TCERG1L: variants seen among roughly 807,000 people sequenced by gnomAD.
The protein encoded by TCERG1L is transcription elongation regulator 1-like protein.
In TCERG1L, 37 loss-of-function variants were observed where a neutral mutation model predicts 56.3. The observed-to-expected ratio is 0.66, with a 90% CI of 0.51 to 0.87. The LOEUF (loss-of-function observed/expected upper bound fraction) is 0.87. Ranked by LOEUF, TCERG1L falls within the 40% of genes least tolerant of loss-of-function variation. The probability of loss-of-function intolerance (pLI) is 0.00; values close to 1 mark genes in which losing one functional copy is unlikely to be tolerated. For missense variants in TCERG1L, 799 were observed against 774.2 expected (o/e 1.03, Z -0.38); for synonymous variants, 324 against 326.3 (o/e 0.99, Z 0.08).
chr10:131,100,736 C>G (rs1845297007), intron 10 of TCERG1L, among the ~76,000 whole-genome samples: 1 of 152,216 alleles, frequency 6.6e-6, no homozygotes, highest in African/African-American at 2.4e-5. Flanking sequence ...TTAGCTTTCC[C>G]CATGAAAACG....
chr10:131,183,757 G>C (rs1438712159), intron 4 of TCERG1L, among the ~76,000 whole-genome samples: 1 of 152,194 alleles, frequency 6.6e-6, no homozygotes, highest in Non-Finnish European at 1.5e-5. Flanking sequence ...ATGGTGGGGA[G>C]GGGGGACCCC....
chr10:131,224,331 G>A (rs1351316744), intron 4 of TCERG1L, among the ~76,000 whole-genome samples: 1 of 152,098 alleles, frequency 6.6e-6, no homozygotes, highest in Non-Finnish European at 1.5e-5. Context: ...AGCCAGCCTG[G>A]CCCCACTGTC....
chr10:131,102,009 G>C (rs1299333054), intron 10 of TCERG1L, among the ~76,000 whole-genome samples: 1 of 152,120 alleles, frequency 6.6e-6, no homozygotes, highest in Non-Finnish European at 1.5e-5. Flanking sequence ...GCCCATAGCT[G>C]AAATTTTTGA....
At chr10:131,213,512 C>T (rs1255055615) in intron 4 of TCERG1L, among the ~76,000 whole-genome samples, 1 of 152,254 alleles carries the variant, frequency 6.6e-6, no homozygotes, top group African/African-American at 2.4e-5. Context: ...AGACACCCCA[C>T]AGCCTCCGTT....
intron 4 of TCERG1L, among the ~76,000 whole-genome samples, chr10:131,243,610 C>A (rs1443363483): frequency 6.6e-6 from 1 of 152,172 alleles, no homozygotes; most frequent in African/African-American, 2.4e-5. Context: ...CACACTGCGG[C>A]TGTCCTCTCT....
chr10:131,098,572 T>C, intron 10 of TCERG1L, 148 bp from the exon 11 acceptor site: 1 of 1,042,152 alleles, frequency 9.6e-7, no homozygotes, highest in Non-Finnish European at 1.3e-6. Flanking sequence ...GCAACAGCCT[T>C]TCAGCATAGC....
intron 4 of TCERG1L, among the ~76,000 whole-genome samples, chr10:131,187,055 C>A (rs116781854): frequency 6.6e-6 from 1 of 152,344 alleles, no homozygotes; most frequent in African/African-American, 2.4e-5. Context: ...CTCTCTCACC[C>A]CTCCAATGCA....
intron 5 of TCERG1L, among the ~76,000 whole-genome samples, chr10:131,164,928 C>A (rs191780623): frequency 6.6e-6 from 1 of 152,322 alleles, no homozygotes; most frequent in Non-Finnish European, 1.5e-5. Flanking sequence ...TACCAAAACC[C>A]AGCACATGTG....
intron 4 of TCERG1L, among the ~76,000 whole-genome samples, chr10:131,192,885 C>CA (rs1344771183): frequency 2.9e-5 from 3 of 104,098 alleles, no homozygotes; most frequent in South Asian, 2.5e-4. Flanking sequence ...AGCTGAGGGA[C>CA]AAAAAAACTA....
At chr10:131,191,869 AAAAAAAAAAAAAAAAAAAAAG>A (rs1354928039) in intron 4 of TCERG1L, among the ~76,000 whole-genome samples, 1 of 134,016 alleles carries the variant, frequency 7.5e-6, no homozygotes, top group Non-Finnish European at 1.6e-5. Context: ...CGTCTCAAAA[AAAAAAAAAAAAAAAAAAAAAG>A]AAAAAAAGAA....
intron 4 of TCERG1L, among the ~76,000 whole-genome samples, chr10:131,235,525 G>T (rs150138767): frequency 2.0e-5 from 3 of 152,096 alleles, no homozygotes; most frequent in African/African-American, 7.2e-5. Context: ...AACTAAAAAC[G>T]ATATTGATAG....
chr10:131,262,072 G>C (rs551607655), intron 3 of TCERG1L, among the ~76,000 whole-genome samples: 36 of 152,168 alleles, frequency 2.4e-4, no homozygotes, highest in Non-Finnish European at 5.0e-4. Context: ...ATGAGGAAGT[G>C]GGGGGTGAGG....
At chr10:131,126,414 C>T (rs1357625368) in intron 8 of TCERG1L, among the ~76,000 whole-genome samples, 1 of 152,220 alleles carries the variant, frequency 6.6e-6, no homozygotes, top group African/African-American at 2.4e-5. Flanking sequence ...GGTTTATGAG[C>T]CACTCAGAAG....
rs565387205 is a variant in TCERG1L, at chr10:131,146,545, C to T, written c.1150G>A (p.Glu384Lys). Residue 384 changes from glutamate to lysine, a missense_variant, in exon 7 of 12, where the codon GAG (glutamate) becomes AAG (lysine). Coordinates refer to ENST00000368642, the MANE Select transcript of TCERG1L (RefSeq NM_174937.4). ...KDRGDLNRII[E>K]DPPHKRKLEA... is the part of the protein sequence containing the mutation. ...AGCTTGCGTTTGTGGGGCGGGTCCT[C>T]AATGATCCTGTTGAGGTCTCCGCGG... 1 of 1,613,314 alleles carries T rather than the reference C, an allele frequency of 6.2e-7. No homozygotes were observed. The highest frequency in any genetic ancestry group is 1.3e-5 in the African/African-American group (1 of 75,004).
chr10:131,155,101 G>A (rs1845905624), intron 6 of TCERG1L, among the ~76,000 whole-genome samples: 1 of 152,074 alleles, frequency 6.6e-6, no homozygotes, highest in Non-Finnish European at 1.5e-5. Context: ...AAGAGTGCCA[G>A]GGAGAGACTG....
At chr10:131,119,642 C>G (rs188703175) in intron 8 of TCERG1L, among the ~76,000 whole-genome samples, 1 of 152,196 alleles carries the variant, frequency 6.6e-6, no homozygotes, top group African/African-American at 2.4e-5. Context: ...AATGGCTATC[C>G]GTTCAGTTAG....
At position 131,093,336 on chromosome 10, in the gene TCERG1L, T is replaced by C. The variant is rs748939723; in HGVS notation, c.1605-18A>G. 49 of 1,610,992 alleles carry C rather than the reference T, an allele frequency of 3.0e-5. No homozygotes were observed. Among genetic ancestry groups the C allele is most frequent in the Non-Finnish European group, 4.1e-5 (48 of 1,178,954 alleles). ...ACGTGGTCCTGAAAAAGAAAGAGTT[T>C]CCTGAGACACCTTCCAGAGAGCAAC... is the stretch of plus-strand genomic sequence containing the variant. On this transcript the variant is annotated intron_variant, in intron 11 of 11. Transcript: ENST00000368642.
At chr10:131,288,438 G>A (rs954689147) in intron 3 of TCERG1L, among the ~76,000 whole-genome samples, 4 of 152,116 alleles carry the variant, frequency 2.6e-5, no homozygotes, top group African/African-American at 9.7e-5. Flanking sequence ...CAGACCTTCA[G>A]GTGGGACCAG....
At chr10:131,196,904 G>T (rs548651064) in intron 4 of TCERG1L, among the ~76,000 whole-genome samples, 5 of 152,318 alleles carry the variant, frequency 3.3e-5, no homozygotes, top group Admixed American at 6.5e-5. Context: ...ATCAGAGAAT[G>T]GGGTACTTAG....
Sources: allele counts gnomAD v4.1 joint callset (sites outside exome capture counted in the v4.1 genomes callset), GRCh38; gene constraint gnomAD v4.1.1; transcripts MANE v1.5; gene names NCBI Gene and HGNC (gene_info 2026-07-23, HGNC 2026-07-21).